The following CUL4A variants were observed in gnomAD, a reference collection of about 807,000 sequenced individuals.
CUL4A encodes the protein cullin-4A.
A neutral mutation model predicts 95.5 loss-of-function variants in CUL4A; 16 were observed. That is an observed-to-expected ratio of 0.17 (90% CI 0.11 to 0.25). The LOEUF is 0.25. CUL4A is among the 10% of genes least tolerant of loss of function. The pLI is 1.00. For synonymous variants in CUL4A, 380 were observed against 353.1 expected (o/e 1.08, Z -0.85); for missense variants, 610 against 937.0 (o/e 0.65, Z 4.56).
chr13:113,252,371 C>T (rs1051096577), intron 15 of CUL4A, among the ~76,000 whole-genome samples: 6 of 151,902 alleles, frequency 3.9e-5, no homozygotes, highest in African/African-American at 9.7e-5. Context: ...CCCATCTCTA[C>T]AACAACAACA....
intron 9 of CUL4A, among the ~76,000 whole-genome samples, chr13:113,237,610 T>G (rs999579818): frequency 1.3e-5 from 2 of 152,248 alleles, no homozygotes; most frequent in African/African-American, 4.8e-5. Flanking sequence ...TTTGTAACAC[T>G]TTAGTACTTA....
intron 2 of CUL4A, among the ~76,000 whole-genome samples, chr13:113,217,066 G>A (rs75147813): frequency 2.1e-3 from 313 of 152,260 alleles, no homozygotes; most frequent in Non-Finnish European, 3.9e-3. Context: ...AGGAAAAGAT[G>A]GTTTTAAGGA....
chr13:113,251,473 G>T lies in CUL4A; in HGVS notation c.1639-1609G>T, dbSNP rs114142472. On this transcript the variant is annotated intron_variant, in intron 15 of 19. Coordinates refer to ENST00000375440, the MANE Select transcript of CUL4A (RefSeq NM_001008895.4). ...AATGGTGAGCTCGTGGGAGAGGAGG[G>T]ATTGGTTTGGATTTGTGTTCCTGCC... is the stretch of plus-strand genomic sequence containing the variant. Among the ~76,000 whole-genome samples the T allele has an allele frequency of 7.6e-3, 1,114 of 146,812 alleles. 19 individuals carry two copies. The highest frequency in any genetic ancestry group is 0.026 in the African/African-American group (1,042 of 40,710).
At chr13:113,233,862 A>T in intron 6 of CUL4A, 35 bp from the exon 7 acceptor site, 1 of 1,127,040 alleles carries the variant, frequency 8.9e-7, no homozygotes, top group Non-Finnish European at 1.4e-6. Flanking sequence ...AGTTTCCTTT[A>T]CTGAAATTGG....
intron 5 of CUL4A, among the ~76,000 whole-genome samples, chr13:113,231,309 G>T (rs184835113): frequency 1.3e-5 from 2 of 152,206 alleles, no homozygotes; most frequent in Non-Finnish European, 2.9e-5. Flanking sequence ...ACCTTGGCCT[G>T]TGCTTTGAAG....
At chr13:113,232,519 A>G (rs925390685) in intron 5 of CUL4A, among the ~76,000 whole-genome samples, 1 of 152,188 alleles carries the variant, frequency 6.6e-6, no homozygotes, top group Admixed American at 6.5e-5. Flanking sequence ...TTAATGGCGT[A>G]CTTGGCCACT....
intron 19 of CUL4A, among the ~76,000 whole-genome samples, chr13:113,261,409 C>T (rs911146805): frequency 6.6e-6 from 1 of 152,198 alleles, no homozygotes. Context: ...CAGTTTGAGC[C>T]TCCCATTCCA....
intron 11 of CUL4A, among the ~76,000 whole-genome samples, chr13:113,243,941 C>T (rs539517415): frequency 3.5e-4 from 54 of 152,216 alleles, no homozygotes; most frequent in Non-Finnish European, 6.2e-4. Flanking sequence ...AGCCACCTGA[C>T]GATGGCTTGT....
chr13:113,230,278 G>C (rs540175478), intron 5 of CUL4A: 2 of 152,582 alleles, frequency 1.3e-5, no homozygotes, highest in Non-Finnish European at 2.9e-5. Context: ...CACTGGGCAC[G>C]CTGACCCAAG....
At chr13:113,226,432 C>T (rs576028113) in intron 3 of CUL4A, among the ~76,000 whole-genome samples, 7 of 152,204 alleles carry the variant, frequency 4.6e-5, no homozygotes, top group African/African-American at 1.7e-4. Flanking sequence ...AATGTCTGCA[C>T]CACGAGGTTG....
intron 3 of CUL4A, 39 bp downstream of exon 3, chr13:113,219,087 C>T (rs2040803336): frequency 1.5e-6 from 2 of 1,311,210 alleles, no homozygotes; most frequent in Non-Finnish European, 2.1e-6. Context: ...TATTCATTAT[C>T]TAAGTCTTTT....
chr13:113,236,707 C>T (rs992103742), intron 8 of CUL4A, 116 bp from the exon 9 acceptor site: 8 of 606,408 alleles, frequency 1.3e-5, no homozygotes, highest in African/African-American at 3.8e-5. Context: ...CTTAACCTTC[C>T]GTTTCTGATT....
intron 4 of CUL4A, 131 bp from the exon 5 acceptor site, chr13:113,229,315 A>G (rs1824496301): frequency 1.2e-5 from 8 of 691,892 alleles, no homozygotes; most frequent in Admixed American, 2.9e-5. Context: ...AAAAAAAATA[A>G]AACATGAGGG....
Position 113,267,024 on chromosome 13 carries a change from A to T in CUL4A, c.*3442A>T, listed in dbSNP as rs545880392. 6.6e-6 allele frequency: 1 copy of T among 152,178 alleles called. No homozygotes were observed. Among genetic ancestry groups the T allele is most frequent in the Non-Finnish European group, 1.5e-5 (1 of 68,028 alleles). 9.4% of individuals were successfully genotyped at this position (152,178 alleles called of 1,614,324 possible). ...GAAATTTACTCTTAGCAATTTTGAA[A>T]TGTACAATACTCAATTTTTGACTGT... On this transcript the variant is annotated 3_prime_UTR_variant, in exon 20 of 20. Coordinates refer to ENST00000375440, the MANE Select transcript of CUL4A (RefSeq NM_001008895.4).
chr13:113,239,389 T>C, intron 9 of CUL4A, 44 bp from the exon 10 acceptor site: 2 of 1,504,372 alleles, frequency 1.3e-6, no homozygotes, highest in Non-Finnish European at 1.9e-6. Context: ...TTGTTGTTAA[T>C]GCTGCCCATG....
chr13:113,232,067 GT>G lies in CUL4A; in HGVS notation c.513-1109del, dbSNP rs1566342925. Among the ~76,000 whole-genome samples, 59 of 135,752 alleles carry G rather than the reference GT, an allele frequency of 4.3e-4. 2 individuals carry two copies. Among genetic ancestry groups the G allele is most frequent in the African/African-American group, 1.7e-3 (58 of 34,612 alleles). 89.1% of individuals were successfully genotyped at this position (135,752 alleles called of 152,430 possible). A position where few individuals can be genotyped will look rare whatever the true frequency, so the allele number is the denominator to read the frequency against. On this transcript the variant is annotated intron_variant, in intron 5 of 19. Coordinates refer to ENST00000375440, the MANE Select transcript of CUL4A (RefSeq NM_001008895.4). ...CCACTACCCGCCCACCACCATTACT[GT>G]CACCACTACCCGCCCACCACCATTA... is the stretch of plus-strand genomic sequence containing the variant.
intron 2 of CUL4A, among the ~76,000 whole-genome samples, chr13:113,217,220 T>G (rs776031504): frequency 6.6e-6 from 1 of 152,228 alleles, no homozygotes. Flanking sequence ...TCACTAATGT[T>G]TAACTACTGG....
At chr13:113,263,466 G>A (rs775996773) in intron 19 of CUL4A, 21 bp from the exon 20 acceptor site, 25 of 1,485,404 alleles carry the variant, frequency 1.7e-5, no homozygotes, top group South Asian at 1.2e-5. Flanking sequence ...TAATTAGGGG[G>A]GTTTTATTCT....
chr13:113,208,451 G>C, upstream of CUL4A: 8 of 1,521,066 alleles, frequency 5.3e-6, no homozygotes, highest in South Asian at 8.5e-5. Context: ...GCCGCTGTTC[G>C]GCTCGCGCGG....
Sources: gnomAD v4.1 joint callset for allele counts (sites outside exome capture counted in the v4.1 genomes callset) on GRCh38, gnomAD v4.1.1 for gene constraint, MANE v1.5 for transcripts, NCBI Gene and HGNC (gene_info 2026-07-23, HGNC 2026-07-21) for gene names.